The following TECPR2 variants were observed in gnomAD, a reference collection of about 807,000 sequenced individuals.
TECPR2 encodes the protein tectonin beta-propeller repeat-containing protein 2.
In TECPR2, 65 loss-of-function variants were observed where a neutral mutation model predicts 138.1. The ratio of observed to expected loss-of-function variants is 0.47; its 90% CI spans 0.39 to 0.58. The LOEUF (loss-of-function observed/expected upper bound fraction) is 0.58, where lower values mean the gene tolerates loss of function less well. Among genes scored for constraint, TECPR2 ranks in the 20% least tolerant of loss-of-function variants. The probability of loss-of-function intolerance (pLI) is 0.00; values close to 1 mark genes in which losing one functional copy is unlikely to be tolerated. For missense variants in TECPR2, 1,553 were observed against 1,824.5 expected, an observed-to-expected ratio of 0.85 and a Z score of 2.71; for synonymous variants, 746 against 749.8, an observed-to-expected ratio of 0.99 and a Z score of 0.08.
At chr14:102,439,205 C>G (rs1889764187) in intron 10 of TECPR2, among the ~76,000 whole-genome samples, 1 of 152,036 alleles carries the variant, frequency 6.6e-6, no homozygotes, top group Non-Finnish European at 1.5e-5. Context: ...ACGTCGGCAC[C>G]TACGCCAGTG....
At chr14:102,440,741 C>G (rs879854026) in intron 11 of TECPR2, 132 bp downstream of exon 11, 36 of 1,173,826 alleles carry the variant, frequency 3.1e-5, no homozygotes, top group Non-Finnish European at 4.0e-5. Flanking sequence ...TAAGACACTT[C>G]TGGGAAGAGA....
chr14:102,398,555 A>G (rs567108702), intron 2 of TECPR2, among the ~76,000 whole-genome samples: 1 of 152,274 alleles, frequency 6.6e-6, no homozygotes, highest in Non-Finnish European at 1.5e-5. Context: ...TCAAACTCCC[A>G]AAAGCGAAAA....
At chr14:102,392,179 A>C (rs532503136) in intron 2 of TECPR2, among the ~76,000 whole-genome samples, 1 of 151,936 alleles carries the variant, frequency 6.6e-6, no homozygotes, top group South Asian at 2.1e-4. Context: ...TTTAGTAGAG[A>C]CGGGGTTTCA....
intron 1 of TECPR2, among the ~76,000 whole-genome samples, chr14:102,367,909 G>T (rs773130722): frequency 8.0e-4 from 120 of 150,826 alleles, no homozygotes; most frequent in Non-Finnish European, 1.3e-3. Context: ...ACCCTAGTGG[G>T]TATGAAGTGG....
chr14:102,484,523 T>C (rs769187238), intron 17 of TECPR2, among the ~76,000 whole-genome samples: 26 of 152,164 alleles, frequency 1.7e-4, no homozygotes, highest in Non-Finnish European at 3.2e-4. Context: ...GACAGCAATC[T>C]GGCTGGGCTG....
intron 14 of TECPR2, 133 bp downstream of exon 14, chr14:102,450,002 G>C: frequency 7.6e-7 from 1 of 1,319,722 alleles, no homozygotes; most frequent in Non-Finnish European, 1.0e-6. Flanking sequence ...GTCTAGTGGA[G>C]GCACTCTATG....
intron 2 of TECPR2, among the ~76,000 whole-genome samples, chr14:102,401,549 G>A (rs963203741): frequency 6.6e-6 from 1 of 151,948 alleles, no homozygotes; most frequent in Admixed American, 6.6e-5. Context: ...GGAGGCCGAG[G>A]CCAGCAGATG....
intron 17 of TECPR2, among the ~76,000 whole-genome samples, chr14:102,487,622 A>T (rs544017283): frequency 1.0e-3 from 158 of 152,250 alleles, no homozygotes; most frequent in Non-Finnish European, 1.8e-3. Flanking sequence ...GCTCACTGCA[A>T]GCTCCGCCTC....
intron 2 of TECPR2, among the ~76,000 whole-genome samples, chr14:102,390,780 C>T (rs907101679): frequency 3.3e-5 from 5 of 149,398 alleles, no homozygotes; most frequent in African/African-American, 1.3e-4. Context: ...CTAAAAGTTG[C>T]TGCCCACGTA....
chr14:102,474,415 G>A (rs149703102), intron 17 of TECPR2, among the ~76,000 whole-genome samples: 1 of 152,154 alleles, frequency 6.6e-6, no homozygotes, highest in East Asian at 1.9e-4. Context: ...ACCTGAGGTC[G>A]GGAGTTCAAG....
At chr14:102,413,308 A>C (rs921797773) in intron 4 of TECPR2, among the ~76,000 whole-genome samples, 1 of 151,492 alleles carries the variant, frequency 6.6e-6, no homozygotes, top group Admixed American at 6.6e-5. Flanking sequence ...GAAATAATTG[A>C]TGAAACTTTT....
intron 17 of TECPR2, among the ~76,000 whole-genome samples, chr14:102,474,707 A>C (rs907175458): frequency 6.6e-6 from 1 of 152,176 alleles, no homozygotes; most frequent in African/African-American, 2.4e-5. Flanking sequence ...AAACTTTTTC[A>C]TGATCAGGGA....
At chr14:102,399,552 C>T (rs1017618999) in intron 2 of TECPR2, among the ~76,000 whole-genome samples, 2 of 151,988 alleles carry the variant, frequency 1.3e-5, no homozygotes, top group African/African-American at 2.4e-5. Context: ...AGATCTTGGC[C>T]GGGCACGGTG....
In TECPR2 at chr14:102,362,980, T is replaced by G. The variant is rs1887214885; in HGVS notation, c.-209T>G. On this transcript the variant is annotated 5_prime_UTR_variant, in exon 1 of 20. Coordinates refer to ENST00000359520, the MANE Select transcript of TECPR2 (RefSeq NM_014844.5). ...CGCTCTAGCCCCCGGCGGAGCCAGCTGCTGCTCTTCGGTGCTGGCCCCGGT... is the reference window on the plus strand; with the variant it reads ...CGCTCTAGCCCCCGGCGGAGCCAGCGGCTGCTCTTCGGTGCTGGCCCCGGT... 1 of 1,284,974 alleles carries G rather than the reference T, an allele frequency of 7.8e-7. No individual in the cohort carries two copies. Among genetic ancestry groups the G allele is most frequent in the East Asian group, 2.5e-5 (1 of 39,686 alleles). The allele number at this position is 1,284,974 out of a possible 1,614,324, so 79.6% of individuals were successfully genotyped here.
chr14:102,450,223 G>A (rs183253702), intron 14 of TECPR2, among the ~76,000 whole-genome samples: 6 of 152,244 alleles, frequency 3.9e-5, no homozygotes, highest in African/African-American at 1.2e-4. Context: ...GAAGGTGATC[G>A]CCACTGTTGG....
At position 102,419,191 on chromosome 14, in the gene TECPR2, C is replaced by T. The variant is rs1324421285; in HGVS notation, c.638+4398C>T. On this transcript the variant is annotated intron_variant, in intron 5 of 19. Coordinates refer to ENST00000359520, the MANE Select transcript of TECPR2 (RefSeq NM_014844.5). This position sits in a 1 kb window ranked among gnomAD's most constrained non-coding sequence, Gnocchi z 4.8. ...AGGAGTCGGAGGCCATATGGAGGGACATAGCAGCTGCTGCGAGACCGGGGG... is the reference window on the plus strand; with the variant it reads ...AGGAGTCGGAGGCCATATGGAGGGATATAGCAGCTGCTGCGAGACCGGGGG... Among the ~76,000 whole-genome samples the T allele has an allele frequency of 6.6e-6, 1 of 152,034 alleles. No individual in the cohort carries two copies. The highest frequency in any genetic ancestry group is 2.4e-5 in the African/African-American group (1 of 41,402).
chr14:102,476,968 A>C (rs1890779374), intron 17 of TECPR2, among the ~76,000 whole-genome samples: 1 of 152,186 alleles, frequency 6.6e-6, no homozygotes, highest in Admixed American at 6.5e-5. Flanking sequence ...CCTTGAGCCC[A>C]GGAGGCAGAG....
intron 17 of TECPR2, among the ~76,000 whole-genome samples, chr14:102,477,950 A>AAG (rs1365915929): frequency 6.7e-6 from 1 of 148,266 alleles, no homozygotes; most frequent in African/African-American, 2.5e-5. Flanking sequence ...AAAAAAAAAA[A>AAG]AAAAAAAGAG....
rs2139755257 is a variant in TECPR2 at position 102,452,482 on chromosome 14, G to T, written c.3495G>T (p.Leu1165=). Residue 1165 remains leucine (L), a synonymous_variant, in exon 16 of 20, where the codon CTG becomes CTT. Transcript: ENST00000359520. ...SAQSRPSTVQ[L]PPEAEMRAYA... ...AGTCGCGGCCCTCCACGGTGCAGCT[G>T]CCTCCCGAAGCCGAGATGCGCGCCT... The T allele has an allele frequency of 1.2e-6, 2 of 1,613,400 alleles. No individual in the cohort carries two copies. The highest frequency in any genetic ancestry group is 1.7e-6 in the Non-Finnish European group (2 of 1,179,938).
Sources: gnomAD v4.1 joint callset for allele counts (sites outside exome capture counted in the v4.1 genomes callset) on GRCh38, gnomAD v4.1.1 for gene constraint, Gnocchi (gnomAD v3.1) non-coding constraint, MANE v1.5 for transcripts, NCBI Gene and HGNC (gene_info 2026-07-23, HGNC 2026-07-21) for gene names.